Variants in EEF1AKMT1 observed in about 807,000 individuals in gnomAD.
The protein encoded by EEF1AKMT1 is N-6 adenine-specific DNA methyltransferase 2 (putative).
In EEF1AKMT1, 18 loss-of-function variants were observed where a neutral mutation model predicts 21.0. The ratio of observed to expected loss-of-function variants is 0.86; its 90% CI spans 0.59 to 1.27. EEF1AKMT1 has a LOEUF of 1.27. Among genes scored for constraint, EEF1AKMT1 ranks in the 50% most tolerant of loss-of-function variants. The pLI, the probability that EEF1AKMT1 is intolerant of heterozygous loss-of-function variation, is 0.00. For missense variants in EEF1AKMT1, 246 were observed against 258.6 expected (o/e 0.95, Z 0.33); for synonymous variants, 109 against 94.8 (o/e 1.15, Z -0.87).
chr13:20,765,405 GTTTTTTT>G (rs1171165259), intron 1 of EEF1AKMT1, among the ~76,000 whole-genome samples: 89 of 58,706 alleles, frequency 1.5e-3, no homozygotes, highest in African/African-American at 6.3e-3. Flanking sequence ...CTTCCCTTGG[GTTTTTTT>G]TTTTTTTTTT....
rs575966667 is a variant in EEF1AKMT1 at position 20,756,951 on chromosome 13, T to C, written c.144+504A>G. Among the ~76,000 whole-genome samples, 6 of 152,316 alleles carry C rather than the reference T, an allele frequency of 3.9e-5. No homozygotes were observed. In the East Asian group the frequency reaches 1.2e-3, roughly 29 times the overall value. ...CCCTAAACCTGCATCCCGTCTCTGC[T>C]GAAAGCAGTTTTCATCACTCATTAA... On this transcript the variant is annotated intron_variant, in intron 2 of 4. Transcript: ENST00000382758.
intron 4 of EEF1AKMT1, among the ~76,000 whole-genome samples, chr13:20,730,786 G>A (rs2058788409): frequency 6.6e-6 from 1 of 152,178 alleles, no homozygotes; most frequent in African/African-American, 2.4e-5. Context: ...TAAGCAGGAC[G>A]TGGGCAGGGA....
At chr13:20,730,638 T>C (rs999124676) in intron 4 of EEF1AKMT1, among the ~76,000 whole-genome samples, 1 of 152,180 alleles carries the variant, frequency 6.6e-6, no homozygotes, top group African/African-American at 2.4e-5. Context: ...CCAGCTGGAC[T>C]TCCTGGGTCT....
chr13:20,737,776 T>A lies in EEF1AKMT1; in HGVS notation c.174A>T (p.Glu58Asp). The change falls in exon 3 of 5, where the codon GAA becomes GAT. Residue 58 changes from glutamate (E) to aspartate (D), a missense_variant. Transcript: ENST00000382758. ...WQLSQFWYSQ[E>D]TALQLAQEAI... ...CCTCCTGTGCCAGCTGCAGAGCAGT[T>A]TCCTGACTATACCAAAACTGGCTCA... 6.2e-7 allele frequency: 1 copy of A among 1,613,020 alleles called. No homozygotes were observed. The highest frequency in any genetic ancestry group is 1.1e-5 in the South Asian group (1 of 90,754).
At chr13:20,760,472 A>G (rs978157504) in intron 1 of EEF1AKMT1, among the ~76,000 whole-genome samples, 3 of 152,164 alleles carry the variant, frequency 2.0e-5, no homozygotes, top group Admixed American at 2.0e-4. Context: ...TCACTTGTAG[A>G]CGGGAGCTAA....
chr13:20,757,593 A>G lies in EEF1AKMT1; in HGVS notation c.6T>C (p.Ser2=). ...GGGGTGTCTCATCATCTTCCAAATC[A>G]CTCATTTCACAAGTTGTTTATAACC... M[S]DLEDDETPQL... Residue 2 remains serine (S), a synonymous_variant, in exon 2 of 5, where the codon AGT becomes AGC. Transcript: ENST00000382758. 1 of 1,613,456 alleles carries G rather than the reference A, an allele frequency of 6.2e-7. No individual in the cohort carries two copies. Among genetic ancestry groups the G allele is most frequent in the Non-Finnish European group, 8.5e-7 (1 of 1,179,620 alleles).
At chr13:20,736,844 TCTC>T (rs1418764446) in intron 3 of EEF1AKMT1, among the ~76,000 whole-genome samples, 3 of 146,714 alleles carry the variant, frequency 2.0e-5, no homozygotes, top group Non-Finnish European at 4.5e-5. Context: ...TTCAAGCAAT[TCTC>T]CTGCCTCAGC....
chr13:20,750,836 C>T (rs574085825), intron 2 of EEF1AKMT1, among the ~76,000 whole-genome samples: 83 of 152,308 alleles, frequency 5.4e-4, no homozygotes, highest in African/African-American at 1.9e-3. Context: ...CCTCCACACC[C>T]TTACCAGTAC....
intron 2 of EEF1AKMT1, among the ~76,000 whole-genome samples, chr13:20,753,129 T>C (rs1490147360): frequency 1.3e-5 from 2 of 152,168 alleles, no homozygotes; most frequent in African/African-American, 2.4e-5. Flanking sequence ...GATTTCGGTA[T>C]GTTGTGTTTT....
At position 20,739,910 on chromosome 13, in the gene EEF1AKMT1, C is replaced by T. The variant is rs535656123; in HGVS notation, c.145-2105G>A. On this transcript the variant is annotated intron_variant, in intron 2 of 4. Transcript: ENST00000382758. ...CTGGGGCCACAGGCAGAGCTGCCCACCAGTCCCATGCCATGTGCCAGTGCT... is the reference window on the plus strand; with the variant it reads ...CTGGGGCCACAGGCAGAGCTGCCCATCAGTCCCATGCCATGTGCCAGTGCT... 1.2e-4 allele frequency among the ~76,000 whole-genome samples: 18 copies of T among 152,368 alleles called. No homozygotes were observed. In the South Asian group the frequency reaches 2.1e-3, roughly 18 times the overall value.
chr13:20,763,733 A>C (rs1254876542), intron 1 of EEF1AKMT1, among the ~76,000 whole-genome samples: 1 of 152,182 alleles, frequency 6.6e-6, no homozygotes. Flanking sequence ...GATTACAGGC[A>C]TGAGCCACCA....
intron 2 of EEF1AKMT1, among the ~76,000 whole-genome samples, chr13:20,752,038 T>A (rs943393072): frequency 2.0e-5 from 3 of 152,206 alleles, no homozygotes; most frequent in African/African-American, 7.2e-5. Flanking sequence ...TAAAAGTTTT[T>A]TCCTGGAGTC....
chr13:20,765,133 C>T (rs367671059), intron 1 of EEF1AKMT1, among the ~76,000 whole-genome samples: 2 of 151,918 alleles, frequency 1.3e-5, no homozygotes, highest in African/African-American at 2.4e-5. Flanking sequence ...TGGTGGAGGG[C>T]ACCTGTAATC....
chr13:20,734,316 G>C (rs1375660859), intron 3 of EEF1AKMT1, among the ~76,000 whole-genome samples: 1 of 152,206 alleles, frequency 6.6e-6, no homozygotes, highest in African/African-American at 2.4e-5. Flanking sequence ...GGTGGGTCTG[G>C]TGGGGATGGT....
At chr13:20,732,816 G>A (rs2058805022) in intron 3 of EEF1AKMT1, among the ~76,000 whole-genome samples, 1 of 152,102 alleles carries the variant, frequency 6.6e-6, no homozygotes, top group East Asian at 1.9e-4. Context: ...ATACTATAAA[G>A]TCATTTTGTA....
At chr13:20,738,812 G>A (rs752760127) in intron 2 of EEF1AKMT1, among the ~76,000 whole-genome samples, 8 of 152,242 alleles carry the variant, frequency 5.3e-5, no homozygotes, top group Admixed American at 2.0e-4. Context: ...GTGGTTGCCA[G>A]GTGTTGGGAG....
At chr13:20,756,162 G>A (rs1445830212) in intron 2 of EEF1AKMT1, among the ~76,000 whole-genome samples, 1 of 152,086 alleles carries the variant, frequency 6.6e-6, no homozygotes, top group East Asian at 1.9e-4. Flanking sequence ...ATCAAAAAAT[G>A]ATAAGCATAC....
chr13:20,749,812 T>C (rs530901243), intron 2 of EEF1AKMT1, among the ~76,000 whole-genome samples: 4 of 152,228 alleles, frequency 2.6e-5, no homozygotes, highest in Non-Finnish European at 5.9e-5. Context: ...AATAAAGCTA[T>C]TGAGAAGTGC....
chr13:20,754,838 C>T (rs181199468), intron 2 of EEF1AKMT1, among the ~76,000 whole-genome samples: 40 of 151,836 alleles, frequency 2.6e-4, no homozygotes, highest in African/African-American at 9.2e-4. Context: ...TGCAGTGAGC[C>T]GAGATGGCAC....
Sources: allele counts gnomAD v4.1 joint callset (sites outside exome capture counted in the v4.1 genomes callset), GRCh38; gene constraint gnomAD v4.1.1; transcripts MANE v1.5; gene names NCBI Gene and HGNC (gene_info 2026-07-23, HGNC 2026-07-21).